HNRNPA0: variants seen among roughly 807,000 people sequenced by gnomAD.
The protein encoded by HNRNPA0 is heterogeneous nuclear ribonucleoprotein A0.
For missense variants in HNRNPA0, 252 were observed against 433.7 expected, an observed-to-expected ratio of 0.58 and a Z score of 3.72; for synonymous variants, 243 against 195.5, an observed-to-expected ratio of 1.24 and a Z score of -2.03.
chr5:137,754,302 A>C lies in HNRNPA0; in HGVS notation c.-236T>G. 3.8e-6 allele frequency: 2 copies of C among 520,610 alleles called. No homozygotes were observed. Among genetic ancestry groups the C allele is most frequent in the East Asian group, 3.3e-5 (1 of 30,456 alleles). 32.2% of individuals were successfully genotyped at this position (520,610 alleles called of 1,614,324 possible). On this transcript the variant is annotated 5_prime_UTR_variant, in exon 1 of 1. Coordinates refer to ENST00000314940, the MANE Select transcript of HNRNPA0 (RefSeq NM_006805.4). ...GAGCCGAGGAGACTGGAAGACAACCAAGGCCACCGCTACCGCCGCCGCCGC... is the reference window on the plus strand; with the variant it reads ...GAGCCGAGGAGACTGGAAGACAACCCAGGCCACCGCTACCGCCGCCGCCGC...
In HNRNPA0 at chr5:137,752,103, C is replaced by T. The variant is rs936863278; in HGVS notation, c.*1046G>A. ...AGGGATTTCCATGAGGCCAACAGTT[C>T]GGATATAGGAAAAAAAAAAAAAAAA... On this transcript the variant is annotated 3_prime_UTR_variant, in exon 1 of 1. Transcript: ENST00000314940. 2.1e-5 allele frequency: 3 copies of T among 143,390 alleles called. No individual in the cohort carries two copies. The highest frequency in any genetic ancestry group is 3.0e-5 in the Non-Finnish European group (2 of 66,534). The allele number at this position is 143,390 out of a possible 1,614,324, so 8.9% of individuals were successfully genotyped here.
chr5:137,753,832 G>C lies in HNRNPA0; in HGVS notation c.235C>G (p.Leu79Val). The stretch of plus-strand genomic sequence containing the variant: ...TCCTCCCGGGACACCGCCCGCTTCA[G>C]CTCCACAGTGTTGCCGTCCACGGCA... ...PHAVDGNTVELKRAVSREDSA... is the reference protein window; with the variant it reads ...PHAVDGNTVEVKRAVSREDSA... The change falls in exon 1 of 1, where the codon CTG becomes GTG. Residue 79 changes from leucine (L) to valine (V), a missense_variant. Transcript: ENST00000314940. This position sits in a 1 kb window ranked among gnomAD's most constrained non-coding sequence, Gnocchi z 6.1. The C allele has an allele frequency of 6.2e-7, 1 of 1,612,200 alleles. No homozygotes were observed. The highest frequency in any genetic ancestry group is 8.5e-7 in the Non-Finnish European group (1 of 1,180,006).
chr5:137,752,858 C>G lies in HNRNPA0; in HGVS notation c.*291G>C, dbSNP rs1347609725. On this transcript the variant is annotated 3_prime_UTR_variant, in exon 1 of 1. Coordinates refer to ENST00000314940, the MANE Select transcript of HNRNPA0 (RefSeq NM_006805.4). ...ACACAAATTAAAACAAGACATTTTG[C>G]TAGTATAAAAACGACCAAGGTCCAA... 9.4e-6 allele frequency: 2 copies of G among 212,470 alleles called. No homozygotes were observed. Among genetic ancestry groups the G allele is most frequent in the Non-Finnish European group, 9.0e-6 (1 of 111,398 alleles). 13.2% of individuals were successfully genotyped at this position (212,470 alleles called of 1,614,324 possible). A position where few individuals can be genotyped will look rare whatever the true frequency, so the allele number is the denominator to read the frequency against.
In HNRNPA0 at chr5:137,754,219, G is replaced by A. The variant is rs1753561233; in HGVS notation, c.-153C>T. 2.9e-6 allele frequency: 3 copies of A among 1,045,680 alleles called. No homozygotes were observed. Among genetic ancestry groups the A allele is most frequent in the Admixed American group, 2.9e-5 (1 of 34,298 alleles). 64.8% of individuals were successfully genotyped at this position (1,045,680 alleles called of 1,614,324 possible). A position where few individuals can be genotyped will look rare whatever the true frequency, so the allele number is the denominator to read the frequency against. The stretch of plus-strand genomic sequence containing the variant: ...GACGGGGAAGGGAAAAAGGGAAGGG[G>A]AGGGAAGGAAGGAAGAGAGGAAGGG... On this transcript the variant is annotated 5_prime_UTR_variant, in exon 1 of 1. Coordinates refer to ENST00000314940, the MANE Select transcript of HNRNPA0 (RefSeq NM_006805.4).
At position 137,753,150 on chromosome 5, in the gene HNRNPA0, T is replaced by C. The variant is rs566732402; in HGVS notation, c.917A>G (p.Ter306=). ...GGGGYGGSSF[*] is the part of the protein sequence containing the mutation. ...CTCCCAGGCATTTTAAATTTTCTTT[T>C]AGAAGGAGCTGCCTCCATAGCCACC... The change falls in exon 1 of 1, where the codon TAA becomes TGA. Residue 306 remains the stop codon, a stop_retained_variant. Coordinates refer to ENST00000314940, the MANE Select transcript of HNRNPA0 (RefSeq NM_006805.4). This position sits in a 1 kb window ranked among gnomAD's most constrained non-coding sequence, Gnocchi z 6.1. 1.6e-5 allele frequency: 25 copies of C among 1,611,356 alleles called. No individual in the cohort carries two copies. Among genetic ancestry groups the C allele is most frequent in the Middle Eastern group, 1.7e-4 (1 of 6,020 alleles).
Position 137,749,025 on chromosome 5 carries a change from G to GTA in HNRNPA0, c.*4122_*4123dup, listed in dbSNP as rs1397214335. 1.3e-5 allele frequency: 2 copies of GTA among 152,054 alleles called. No homozygotes were observed. The highest frequency in any genetic ancestry group is 2.4e-5 in the African/African-American group (1 of 41,384). The allele number at this position is 152,054 out of a possible 1,614,324, so 9.4% of individuals were successfully genotyped here. On this transcript the variant is annotated 3_prime_UTR_variant, in exon 1 of 1. Transcript: ENST00000314940. ...AATTGAATTCCAACCAGAACGCAAGGTATATGAAGACAGCAACCATGTTTG... is the reference window on the plus strand; with the variant it reads ...AATTGAATTCCAACCAGAACGCAAGGTATATATGAAGACAGCAACCATGTTTG...
At position 137,749,092 on chromosome 5, in the gene HNRNPA0, C is replaced by T. The variant is rs1338256752; in HGVS notation, c.*4057G>A. On this transcript the variant is annotated 3_prime_UTR_variant, in exon 1 of 1. Coordinates refer to ENST00000314940, the MANE Select transcript of HNRNPA0 (RefSeq NM_006805.4). Reference sequence around the variant, plus strand: ...CTCCACATTATAGAACTGTCTTACACAAAGGTGCCTAACACCCAATGAAAT... The same window carrying T: ...CTCCACATTATAGAACTGTCTTACATAAAGGTGCCTAACACCCAATGAAAT... 6.6e-6 allele frequency: 1 copy of T among 152,200 alleles called. No homozygotes were observed. Among genetic ancestry groups the T allele is most frequent in the African/African-American group, 2.4e-5 (1 of 41,458 alleles). 9.4% of individuals were successfully genotyped at this position (152,200 alleles called of 1,614,324 possible).
chr5:137,753,049 A>C lies in HNRNPA0; in HGVS notation c.*100T>G. 1 of 1,310,882 alleles carries C rather than the reference A, an allele frequency of 7.6e-7. No homozygotes were observed. The highest frequency in any genetic ancestry group is 1.0e-6 in the Non-Finnish European group (1 of 954,146). 81.2% of individuals were successfully genotyped at this position (1,310,882 alleles called of 1,614,324 possible). ...GGCTCCCCCAAGGGCAAAACAGGGA[A>C]GGCGGTGTGTGTGAGGGGGTGGGGC... On this transcript the variant is annotated 3_prime_UTR_variant, in exon 1 of 1. Transcript: ENST00000314940. The surrounding 1 kb of genome is among the most constrained non-coding windows in gnomAD (Gnocchi z 6.1).
rs987643460 is a variant in HNRNPA0, at chr5:137,749,413, T to C, written c.*3736A>G. On this transcript the variant is annotated 3_prime_UTR_variant, in exon 1 of 1. Transcript: ENST00000314940. ...TAGAGAATTGCCCTTCTAGTCTTCC[T>C]ACTTTGGAATTCCTTTTTAAATAGC... 1.3e-5 allele frequency: 2 copies of C among 152,206 alleles called. No homozygotes were observed. 9.4% of individuals were successfully genotyped at this position (152,206 alleles called of 1,614,324 possible).
rs939322275 is a variant in HNRNPA0, at chr5:137,750,052, G to A, written c.*3097C>T. 4 of 152,098 alleles carry A rather than the reference G, an allele frequency of 2.6e-5. No homozygotes were observed. Among genetic ancestry groups the A allele is most frequent in the Non-Finnish European group, 5.9e-5 (4 of 68,004 alleles). 9.4% of individuals were successfully genotyped at this position (152,098 alleles called of 1,614,324 possible). A position where few individuals can be genotyped will look rare whatever the true frequency, so the allele number is the denominator to read the frequency against. On this transcript the variant is annotated 3_prime_UTR_variant, in exon 1 of 1. Coordinates refer to ENST00000314940, the MANE Select transcript of HNRNPA0 (RefSeq NM_006805.4). The stretch of plus-strand genomic sequence containing the variant: ...TTATCACTGTGAACCTTAACCACTT[G>A]CAGGCTTTTTTTTGGATACAGTAAA...
rs1753442713 is a variant in HNRNPA0 at position 137,748,388 on chromosome 5, A to G, written c.*4761T>C. 3 of 152,212 alleles carry G rather than the reference A, an allele frequency of 2.0e-5. No individual in the cohort carries two copies. Among genetic ancestry groups the G allele is most frequent in the African/African-American group, 7.2e-5 (3 of 41,450 alleles). The allele number at this position is 152,212 out of a possible 1,614,324, so 9.4% of individuals were successfully genotyped here. A position where few individuals can be genotyped will look rare whatever the true frequency, so the allele number is the denominator to read the frequency against. ...TAGAGTTGAAGCAGCAGTGATTTAG[A>G]GAACTACCACATGGAAGCTCACCCA... On this transcript the variant is annotated 3_prime_UTR_variant, in exon 1 of 1. Transcript: ENST00000314940.
chr5:137,754,093 C>A lies in HNRNPA0; in HGVS notation c.-27G>T. ...TCCAAGGCCCGGGCCTTGCCCCCGC[C>A]CTGCGAGCTCCGAGGTTTCGCCGTC... On this transcript the variant is annotated 5_prime_UTR_variant, in exon 1 of 1. Coordinates refer to ENST00000314940, the MANE Select transcript of HNRNPA0 (RefSeq NM_006805.4). The A allele has an allele frequency of 6.3e-7, 1 of 1,582,398 alleles. No individual in the cohort carries two copies. Among genetic ancestry groups the A allele is most frequent in the South Asian group, 1.1e-5 (1 of 87,768 alleles).
At position 137,746,496 on chromosome 5, in the gene HNRNPA0, T is replaced by C. The variant is rs1250691691; in HGVS notation, c.*6653A>G. On this transcript the variant is annotated 3_prime_UTR_variant, in exon 1 of 1. Transcript: ENST00000314940. ...CAGACACAGTCCTGCTTCAGGGCTT[T>C]TGCTCTTCCTAATCCTCTACCTAGA... is the stretch of plus-strand genomic sequence containing the variant. 5.3e-5 allele frequency: 8 copies of C among 152,236 alleles called. No homozygotes were observed. The highest frequency in any genetic ancestry group is 4.6e-4 in the Admixed American group (7 of 15,284). The allele number at this position is 152,236 out of a possible 1,614,324, so 9.4% of individuals were successfully genotyped here.
In HNRNPA0 at chr5:137,753,486, C is replaced by A; in HGVS notation, c.581G>T (p.Gly194Val). 4 of 1,582,996 alleles carry A rather than the reference C, an allele frequency of 2.5e-6. No homozygotes were observed. Among genetic ancestry groups the A allele is most frequent in the Non-Finnish European group, 3.4e-6 (4 of 1,164,292 alleles). The change falls in exon 1 of 1, where the codon GGC becomes GTC. Residue 194 changes from glycine (G) to valine (V), a missense_variant. Physicochemically the swap from Gly to Val is moderately radical, Grantham distance 109. Transcript: ENST00000314940. The surrounding 1 kb of genome is among the most constrained non-coding windows in gnomAD (Gnocchi z 6.1). ...GGGGSRSSRGGRGGRGRGGGR... is the reference protein window; with the variant it reads ...GGGGSRSSRGVRGGRGRGGGR... ...ACCGCCGCGCCCCCGGCCGCCTCGG[C>A]CGCCCCGGGAGGATCGGGAGCCGCC...
rs535241519 is a variant in HNRNPA0, at chr5:137,751,992, G to A, written c.*1157C>T. On this transcript the variant is annotated 3_prime_UTR_variant, in exon 1 of 1. Coordinates refer to ENST00000314940, the MANE Select transcript of HNRNPA0 (RefSeq NM_006805.4). ...TGATGGCAAAACTTCCAAATCTGAT[G>A]CAATTGTCTTAAGCAAGTTTTTAAA... 6.6e-6 allele frequency: 1 copy of A among 152,592 alleles called. No individual in the cohort carries two copies. Among genetic ancestry groups the A allele is most frequent in the South Asian group, 2.1e-4 (1 of 4,824 alleles). 9.5% of individuals were successfully genotyped at this position (152,592 alleles called of 1,614,324 possible).
chr5:137,748,909 T>C lies in HNRNPA0; in HGVS notation c.*4240A>G, dbSNP rs1459447965. ...AATGACAATGGAGCTAACTCCAATT[T>C]TGATGGTGTGAACAATATGAGATTG... On this transcript the variant is annotated 3_prime_UTR_variant, in exon 1 of 1. Coordinates refer to ENST00000314940, the MANE Select transcript of HNRNPA0 (RefSeq NM_006805.4). 5 of 146,674 alleles carry C rather than the reference T, an allele frequency of 3.4e-5. No individual in the cohort carries two copies. Among genetic ancestry groups the C allele is most frequent in the Non-Finnish European group, 6.2e-5 (4 of 64,902 alleles). The allele number at this position is 146,674 out of a possible 1,614,324, so 9.1% of individuals were successfully genotyped here. A position where few individuals can be genotyped will look rare whatever the true frequency, so the allele number is the denominator to read the frequency against.
Position 137,752,040 on chromosome 5 carries a change from G to A in HNRNPA0, c.*1109C>T, listed in dbSNP as rs181702118. ...AAACAAATTGTTTCGCAGCTACTCT[G>A]CCATTCTGCCAGTAGATGGTGCTAC... On this transcript the variant is annotated 3_prime_UTR_variant, in exon 1 of 1. Transcript: ENST00000314940. 2 of 151,748 alleles carry A rather than the reference G, an allele frequency of 1.3e-5. No homozygotes were observed. The highest frequency in any genetic ancestry group is 6.6e-5 in the Admixed American group (1 of 15,136). 9.4% of individuals were successfully genotyped at this position (151,748 alleles called of 1,614,324 possible).
At position 137,754,300 on chromosome 5, in the gene HNRNPA0, C is replaced by G. The variant is rs1198342111; in HGVS notation, c.-234G>C. ...GCGAGCCGAGGAGACTGGAAGACAA[C>G]CAAGGCCACCGCTACCGCCGCCGCC... On this transcript the variant is annotated 5_prime_UTR_variant, in exon 1 of 1. Transcript: ENST00000314940. 3 of 566,292 alleles carry G rather than the reference C, an allele frequency of 5.3e-6. No individual in the cohort carries two copies. Among genetic ancestry groups the G allele is most frequent in the Non-Finnish European group, 9.3e-6 (3 of 322,300 alleles). The allele number at this position is 566,292 out of a possible 1,614,324, so 35.1% of individuals were successfully genotyped here.
At position 137,754,202 on chromosome 5, in the gene HNRNPA0, A is replaced by T; in HGVS notation, c.-136T>A. On this transcript the variant is annotated 5_prime_UTR_variant, in exon 1 of 1. Coordinates refer to ENST00000314940, the MANE Select transcript of HNRNPA0 (RefSeq NM_006805.4). ...CACCCCCGCCGCTCACCGACGGGGA[A>T]GGGAAAAAGGGAAGGGGAGGGAAGG... The T allele has an allele frequency of 8.9e-7, 1 of 1,126,076 alleles. No individual in the cohort carries two copies. The highest frequency in any genetic ancestry group is 1.2e-6 in the Non-Finnish European group (1 of 808,618). 69.8% of individuals were successfully genotyped at this position (1,126,076 alleles called of 1,614,324 possible). A position where few individuals can be genotyped will look rare whatever the true frequency, so the allele number is the denominator to read the frequency against.
Sources: gnomAD v4.1 joint callset for allele counts on GRCh38, gnomAD v4.1.1 for gene constraint, Gnocchi (gnomAD v3.1) non-coding constraint, MANE v1.5 for transcripts, NCBI Gene and HGNC (gene_info 2026-07-23, HGNC 2026-07-21) for gene names.